The following PRRG1 variants were observed in gnomAD, a reference collection of about 807,000 sequenced individuals.
The protein encoded by PRRG1 is proline rich and Gla domain 1.
A neutral mutation model predicts 11.8 loss-of-function variants in PRRG1; 5 were observed. The observed-to-expected ratio is 0.42, with a 90% CI of 0.22 to 0.89. The LOEUF (loss-of-function observed/expected upper bound fraction) is 0.89, where lower values mean the gene tolerates loss of function less well. Among genes scored for constraint, PRRG1 ranks in the 40% least tolerant of loss-of-function variants. The probability of loss-of-function intolerance (pLI) is 0.28; values close to 1 mark genes in which losing one functional copy is unlikely to be tolerated. For synonymous variants in PRRG1, 66 were observed against 60.4 expected (o/e 1.09, Z -0.43); for missense variants, 155 against 166.1 (o/e 0.93, Z 0.37).
intron 1 of PRRG1, among the ~76,000 whole-genome samples, chrX:37,403,216 A>G (rs1487760834): frequency 9.1e-6 from 1 of 110,147 alleles, no homozygotes; most frequent in African/African-American, 3.3e-5. Flanking sequence ...AATAGCAAAG[A>G]CTTGGAACCA....
intron 1 of PRRG1, among the ~76,000 whole-genome samples, chrX:37,354,348 G>A (rs1165470083): frequency 4.6e-5 from 5 of 109,620 alleles, no homozygotes; most frequent in African/African-American, 6.6e-5. Context: ...AGAACAGAGT[G>A]CACTTTAAGC....
intron 1 of PRRG1, among the ~76,000 whole-genome samples, chrX:37,389,321 A>G (rs782030978): frequency 1.9e-4 from 21 of 112,044 alleles, no homozygotes; most frequent in Admixed American, 1.7e-3. Context: ...TCTTTATAGC[A>G]GTGCTGCACT....
In PRRG1 at chrX:37,439,155, TACA is replaced by T. The variant is rs201379337; in HGVS notation, c.171+13161_171+13163del. Among the ~76,000 whole-genome samples the T allele has an allele frequency of 5.9e-3, 667 of 112,399 alleles. 2 individuals carry two copies. The highest frequency in any genetic ancestry group is 0.02 in the African/African-American group (627 of 30,973). On this transcript the variant is annotated intron_variant, in intron 3 of 3. Coordinates refer to ENST00000378628, the MANE Select transcript of PRRG1 (RefSeq NM_001142395.2). ...ACAGGAAATCTGTCTCCTAGTGAAC[TACA>T]ACAACCAGTAGATCCAAAGAAGGCT...
intron 2 of PRRG1, among the ~76,000 whole-genome samples, chrX:37,415,428 A>G (rs1261057760): frequency 9.0e-6 from 1 of 111,260 alleles, no homozygotes; most frequent in African/African-American, 3.3e-5. Context: ...AATAAATAAA[A>G]ATGTGCTGAT....
intron 3 of PRRG1, among the ~76,000 whole-genome samples, chrX:37,451,071 G>A (rs1556396448): frequency 9.1e-6 from 1 of 110,244 alleles, no homozygotes; most frequent in Non-Finnish European, 1.9e-5. Context: ...AGGCTGGAAT[G>A]CAATGACGCA....
intron 1 of PRRG1, among the ~76,000 whole-genome samples, chrX:37,356,132 G>T (rs1372014873): frequency 1.8e-5 from 2 of 111,930 alleles, no homozygotes; most frequent in Non-Finnish European, 3.8e-5. Context: ...AGATAATAAA[G>T]TAAATGAGTA....
At chrX:37,379,031 C>CTTTTTTTT (rs56857980) in intron 1 of PRRG1, among the ~76,000 whole-genome samples, 1 of 28,774 alleles carries the variant, frequency 3.5e-5, no homozygotes, top group Non-Finnish European at 6.1e-5. Context: ...CATCTTTTTG[C>CTTTTTTTT]TTTTTTTTTT....
At chrX:37,445,565 G>A (rs1933060261) in intron 3 of PRRG1, among the ~76,000 whole-genome samples, 1 of 112,490 alleles carries the variant, frequency 8.9e-6, no homozygotes, top group Admixed American at 9.4e-5. Context: ...ATGCCCCCAT[G>A]CACATACTGC....
chrX:37,438,166 C>T (rs1283023048), intron 3 of PRRG1, among the ~76,000 whole-genome samples: 3 of 110,291 alleles, frequency 2.7e-5, no homozygotes, highest in Admixed American at 9.7e-5. Flanking sequence ...GAGCCGAGAT[C>T]GCACCACTGC....
intron 2 of PRRG1, among the ~76,000 whole-genome samples, chrX:37,420,301 C>A (rs145684686): frequency 0.031 from 3,436 of 111,184 alleles, 129 homozygotes; most frequent in African/African-American, 0.11. Flanking sequence ...TCAAAACAAC[C>A]ACAAGGCTCC....
At chrX:37,371,032 C>T (rs1432722345) in intron 1 of PRRG1, among the ~76,000 whole-genome samples, 1 of 111,776 alleles carries the variant, frequency 8.9e-6, no homozygotes, top group East Asian at 2.8e-4. Context: ...TGAAGCCCCA[C>T]CTTCAAGTCA....
intron 3 of PRRG1, chrX:37,440,748 C>A (rs1234440058): frequency 2.0e-6 from 1 of 505,160 alleles, no homozygotes; most frequent in Non-Finnish European, 3.5e-6. Flanking sequence ...TTCCACTTTG[C>A]TGTTTTCTAT....
At chrX:37,442,373 G>A in intron 3 of PRRG1, 1 of 333,222 alleles carries the variant, frequency 3.0e-6, no homozygotes, top group East Asian at 2.1e-4. Flanking sequence ...GGGGGTGGAG[G>A]GGAAAGGTAT....
intron 2 of PRRG1, among the ~76,000 whole-genome samples, chrX:37,423,316 T>C (rs976034193): frequency 1.8e-5 from 2 of 110,050 alleles, no homozygotes; most frequent in Admixed American, 1.9e-4. Context: ...GAAAAAGGCT[T>C]ATAGAATAAG....
chrX:37,404,093 G>A (rs1932115376), intron 1 of PRRG1, among the ~76,000 whole-genome samples: 1 of 111,716 alleles, frequency 9.0e-6, no homozygotes, highest in Non-Finnish European at 1.9e-5. Context: ...TAACACAACT[G>A]AAATAGGTTT....
chrX:37,424,105 A>G (rs1365390040), intron 2 of PRRG1, among the ~76,000 whole-genome samples: 1 of 111,486 alleles, frequency 9.0e-6, no homozygotes, highest in African/African-American at 3.3e-5. Flanking sequence ...TAGCCTAACA[A>G]TGTATTTCTC....
intron 1 of PRRG1, among the ~76,000 whole-genome samples, chrX:37,379,433 C>T (rs5917524): frequency 0.3 from 32,464 of 109,457 alleles, 7,065 homozygotes; most frequent in African/African-American, 0.77. Context: ...GTGTATAAAA[C>T]ATAGGTAGAT....
chrX:37,430,357 CAT>C (rs1486371924), intron 3 of PRRG1, among the ~76,000 whole-genome samples: 2 of 111,826 alleles, frequency 1.8e-5, no homozygotes, highest in African/African-American at 6.5e-5. Flanking sequence ...TGCATGTAGA[CAT>C]ATATGTGAAA....
At chrX:37,409,670 T>C (rs892399551) in intron 2 of PRRG1, among the ~76,000 whole-genome samples, 3 of 112,174 alleles carry the variant, frequency 2.7e-5, no homozygotes, top group African/African-American at 9.7e-5. Context: ...GACACTGTTA[T>C]TGGGGAGAAA....
Sources: allele counts gnomAD v4.1 joint callset (sites outside exome capture counted in the v4.1 genomes callset), GRCh38; gene constraint gnomAD v4.1.1; transcripts MANE v1.5; gene names NCBI Gene and HGNC (gene_info 2026-07-23, HGNC 2026-07-21).